TTLL1: variants seen among roughly 807,000 people sequenced by gnomAD.
TTLL1 encodes TTL family tubulin polyglutamylase complex subunit L1.
A neutral mutation model predicts 47.8 loss-of-function variants in TTLL1; 33 were observed. That is an observed-to-expected ratio of 0.69 (90% CI 0.52 to 0.92). The LOEUF is 0.92. Ranked by LOEUF, TTLL1 falls within the 40% of genes least tolerant of loss-of-function variation. The pLI is 0.00. For missense variants in TTLL1, 488 were observed against 547.5 expected (o/e 0.89, Z 1.08); for synonymous variants, 225 against 214.1 (o/e 1.05, Z -0.45).
chr22:43,074,410 G>A (rs1406780591), intron 3 of TTLL1, among the ~76,000 whole-genome samples: 1 of 134,830 alleles, frequency 7.4e-6, no homozygotes, highest in East Asian at 2.2e-4. Flanking sequence ...CTGGGTGACA[G>A]GAGCGAAATT....
chr22:43,052,541 A>AC (rs1309586016), intron 8 of TTLL1, among the ~76,000 whole-genome samples: 1 of 151,610 alleles, frequency 6.6e-6, no homozygotes, highest in Admixed American at 6.6e-5. Flanking sequence ...GGAGTTTGAG[A>AC]CCAGCCTGAG....
At chr22:43,089,150 T>G (rs565286446) in intron 1 of TTLL1, 127 bp downstream of exon 1, 1 of 152,354 alleles carries the variant, frequency 6.6e-6, no homozygotes, top group Non-Finnish European at 1.5e-5. Context: ...AAGCAGCATC[T>G]GAACCGCATT....
chr22:43,084,567 T>C (rs1172112850), intron 1 of TTLL1, among the ~76,000 whole-genome samples: 2 of 152,012 alleles, frequency 1.3e-5, no homozygotes, highest in African/African-American at 4.8e-5. Context: ...AGTGGCGCGA[T>C]CTTGGCTCAC....
At chr22:43,075,276 C>A (rs1040661807) in intron 3 of TTLL1, among the ~76,000 whole-genome samples, 198 bp downstream of exon 3, 1 of 152,192 alleles carries the variant, frequency 6.6e-6, no homozygotes, top group Non-Finnish European at 1.5e-5. Context: ...GGACTTCATA[C>A]CCCAGGGTGA....
In TTLL1 at chr22:43,064,017, T is replaced by G. The variant is rs960161581; in HGVS notation, c.639-96A>C. 5 of 1,495,402 alleles carry G rather than the reference T, an allele frequency of 3.3e-6. No homozygotes were observed. The African/African-American group carries it at 5.5e-5, about 17-fold the overall frequency. 92.6% of individuals were successfully genotyped at this position (1,495,402 alleles called of 1,614,324 possible). ...AAAAGAGCTGCTTTTGTGTGTGTGA[T>G]TTACACGACTCACATCGGCATCGGG... On this transcript the variant is annotated intron_variant, in intron 6 of 10. Transcript: ENST00000266254.
intron 7 of TTLL1, among the ~76,000 whole-genome samples, chr22:43,062,967 G>A (rs74504877): frequency 0.011 from 1,668 of 152,264 alleles, 36 homozygotes; most frequent in African/African-American, 0.038. Context: ...ATAATAAAGC[G>A]TGAAATACCT....
chr22:43,040,588 G>A (rs4822254), intron 10 of TTLL1, among the ~76,000 whole-genome samples: 88,169 of 151,990 alleles, frequency 0.58, 26,672 homozygotes, highest in East Asian at 0.83. Context: ...TGGGATCATA[G>A]GTGCCCACCA....
At chr22:43,084,962 CTTTTTTTTT>C (rs148980685) in intron 1 of TTLL1, among the ~76,000 whole-genome samples, 46,984 of 114,158 alleles carry the variant, frequency 0.41, 9,567 homozygotes, top group Middle Eastern at 0.5. Context: ...AAGCTGCCAC[CTTTTTTTTT>C]TTTTTTTTTT....
At chr22:43,085,508 T>G (rs1403107153) in intron 1 of TTLL1, among the ~76,000 whole-genome samples, 1 of 152,186 alleles carries the variant, frequency 6.6e-6, no homozygotes, top group Non-Finnish European at 1.5e-5. Flanking sequence ...CTCGTGGTAG[T>G]GAATAAATCT....
intron 1 of TTLL1, among the ~76,000 whole-genome samples, chr22:43,081,784 T>C (rs1344430648): frequency 2.0e-5 from 3 of 150,448 alleles, no homozygotes; most frequent in Non-Finnish European, 4.4e-5. Context: ...CCTGACCTCA[T>C]GATCCACCCG....
intron 9 of TTLL1, among the ~76,000 whole-genome samples, chr22:43,046,942 A>G (rs1172268131): frequency 6.6e-6 from 1 of 152,088 alleles, no homozygotes; most frequent in African/African-American, 2.4e-5. Context: ...AAGTGCTGGT[A>G]TTACAGGCGT....
chr22:43,060,425 G>A (rs1277152014), intron 7 of TTLL1, among the ~76,000 whole-genome samples: 3 of 152,214 alleles, frequency 2.0e-5, no homozygotes, highest in East Asian at 1.9e-4. Context: ...ACGGTGGGCA[G>A]AGGCCTCCAC....
At chr22:43,075,332 A>C in intron 3 of TTLL1, 142 bp downstream of exon 3, 1 of 728,268 alleles carries the variant, frequency 1.4e-6, no homozygotes, top group Admixed American at 2.4e-5. Flanking sequence ...CTCACAAAAA[A>C]CCTTAAGGAA....
chr22:43,078,119 A>C (rs13055357), intron 2 of TTLL1, among the ~76,000 whole-genome samples: 29,923 of 151,526 alleles, frequency 0.2, 3,777 homozygotes, highest in Middle Eastern at 0.34. Context: ...AAAAAAAAGC[A>C]CTCAAGAGAC....
intron 2 of TTLL1, among the ~76,000 whole-genome samples, chr22:43,075,899 C>A (rs1271722728): frequency 6.6e-6 from 1 of 152,232 alleles, no homozygotes; most frequent in Non-Finnish European, 1.5e-5. Context: ...GGCTGAGAAA[C>A]CCTGGTCTGG....
At chr22:43,048,945 A>G (rs1464520787) in intron 9 of TTLL1, among the ~76,000 whole-genome samples, 1 of 151,888 alleles carries the variant, frequency 6.6e-6, no homozygotes. Flanking sequence ...TCAAAAAAAT[A>G]AAAATAAAAA....
chr22:43,079,465 A>T lies in TTLL1; in HGVS notation c.-5+437T>A, dbSNP rs62231652. Among the ~76,000 whole-genome samples the T allele has an allele frequency of 6.1e-4, 93 of 152,238 alleles. 1 individual carries two copies. The East Asian group carries it at 0.017, about 27-fold the overall frequency. On this transcript the variant is annotated intron_variant, in intron 2 of 10. Transcript: ENST00000266254. ...ACGGGGCCACGCCAATGGCTCAGGG[A>T]ACTTTTCATTTTCACTATGTGATTT...
intron 5 of TTLL1, among the ~76,000 whole-genome samples, chr22:43,068,118 A>T (rs923859901): frequency 6.8e-6 from 1 of 146,008 alleles, no homozygotes; most frequent in African/African-American, 2.6e-5. Flanking sequence ...CCAGCCGCAA[A>T]ACCCCATCTC....
intron 5 of TTLL1, among the ~76,000 whole-genome samples, chr22:43,066,619 G>C (rs547019987): frequency 1.4e-4 from 21 of 152,092 alleles, no homozygotes; most frequent in African/African-American, 5.1e-4. Context: ...CTACTCAGGA[G>C]GCTGAGGTGG....
Sources: gnomAD v4.1 joint callset for allele counts (sites outside exome capture counted in the v4.1 genomes callset) on GRCh38, gnomAD v4.1.1 for gene constraint, MANE v1.5 for transcripts, NCBI Gene and HGNC (gene_info 2026-07-23, HGNC 2026-07-21) for gene names.